The following KCNK2 variants were observed in gnomAD, a reference collection of about 807,000 sequenced individuals.
The protein encoded by KCNK2 is potassium channel subfamily K member 2.
Under a neutral mutation model 40.5 loss-of-function variants are expected in KCNK2, and 21 were observed. That is an observed-to-expected ratio of 0.52 (90% confidence interval 0.37 to 0.75). The LOEUF is 0.75. KCNK2 is among the 30% of genes least tolerant of loss of function. KCNK2 has a pLI of 0.00. For missense variants in KCNK2, 399 were observed against 531.6 expected (o/e 0.75, Z 2.45); for synonymous variants, 191 against 202.2 (o/e 0.94, Z 0.47).
intron 1 of KCNK2, among the ~76,000 whole-genome samples, chr1:215,063,574 T>C (rs367890012): frequency 1.4e-4 from 22 of 152,186 alleles, no homozygotes; most frequent in African/African-American, 4.8e-4. Context: ...AATAATACCA[T>C]TAAATTCTCT....
chr1:215,093,804 A>T (rs1262767717), intron 2 of KCNK2, among the ~76,000 whole-genome samples: 1 of 28,906 alleles, frequency 3.5e-5, no homozygotes, highest in Admixed American at 6.5e-4. Flanking sequence ...TATAATATAA[A>T]ATATATTATA....
At position 215,209,455 on chromosome 1, in the gene KCNK2, ATATATTATATATAATATATAT is replaced by A. The variant is rs1558140200; in HGVS notation, c.963+14369_963+14389del. ...TAATATAAAATATATAATATATATT[ATATATTATATATAATATATAT>A]TATATATAATACATATATATAATAT... is the stretch of plus-strand genomic sequence containing the variant. On this transcript the variant is annotated intron_variant, in intron 6 of 6. Coordinates refer to ENST00000444842, the MANE Select transcript of KCNK2 (RefSeq NM_001017425.3). 1.9e-3 allele frequency among the ~76,000 whole-genome samples: 38 copies of A among 20,540 alleles called. No individual in the cohort carries two copies. In the East Asian group the frequency reaches 0.021, roughly 11 times the overall value. The allele number at this position is 20,540 out of a possible 152,430, so 13.5% of individuals were successfully genotyped here. A position where few individuals can be genotyped will look rare whatever the true frequency, so the allele number is the denominator to read the frequency against.
At chr1:215,214,093 G>A (rs1665858235) in intron 6 of KCNK2, among the ~76,000 whole-genome samples, 1 of 152,080 alleles carries the variant, frequency 6.6e-6, no homozygotes, top group Admixed American at 6.6e-5. Flanking sequence ...CGTCGTATTA[G>A]TCCATTCTTG....
intron 1 of KCNK2, among the ~76,000 whole-genome samples, chr1:215,012,424 A>G (rs1332222278): frequency 2.0e-5 from 3 of 151,676 alleles, no homozygotes; most frequent in Non-Finnish European, 4.4e-5. Flanking sequence ...GTTATTTGCA[A>G]TCTGATTATC....
At chr1:215,008,781 C>T (rs995856937) in intron 1 of KCNK2, among the ~76,000 whole-genome samples, 1 of 152,062 alleles carries the variant, frequency 6.6e-6, no homozygotes, top group African/African-American at 2.4e-5. Flanking sequence ...TATCTATTCT[C>T]CACCTAATAG....
At chr1:215,132,079 T>TA (rs1233636399) in intron 3 of KCNK2, among the ~76,000 whole-genome samples, 1 of 152,190 alleles carries the variant, frequency 6.6e-6, no homozygotes, top group Non-Finnish European at 1.5e-5. Flanking sequence ...CAATTCCAGA[T>TA]AAAAAGGAGT....
chr1:215,208,872 G>C (rs938972169), intron 6 of KCNK2, among the ~76,000 whole-genome samples: 1 of 152,052 alleles, frequency 6.6e-6, no homozygotes, highest in South Asian at 2.1e-4. Flanking sequence ...CTGTGGACCA[G>C]GCTGGAGTGC....
At chr1:215,173,615 A>T (rs1302297057) in intron 5 of KCNK2, among the ~76,000 whole-genome samples, 5 of 152,156 alleles carry the variant, frequency 3.3e-5, no homozygotes, top group Non-Finnish European at 7.3e-5. Flanking sequence ...ATTTCTCCAT[A>T]TCCTCTCCAG....
At chr1:215,158,776 TACCCCAGGCCACATAGTTATTG>T (rs1441886923) in intron 3 of KCNK2, among the ~76,000 whole-genome samples, 1 of 152,128 alleles carries the variant, frequency 6.6e-6, no homozygotes, top group Non-Finnish European at 1.5e-5. Flanking sequence ...ACGCCTGCCC[TACCCCAGGCCACATAGTTATTG>T]ACCTGGAGAA....
chr1:215,206,612 C>T (rs1284193268), intron 6 of KCNK2, among the ~76,000 whole-genome samples: 1 of 152,212 alleles, frequency 6.6e-6, no homozygotes, highest in Non-Finnish European at 1.5e-5. Context: ...CTCAACTCCA[C>T]AGACCAATGT....
chr1:215,179,147 G>A (rs1664117584), intron 5 of KCNK2, among the ~76,000 whole-genome samples: 1 of 151,994 alleles, frequency 6.6e-6, no homozygotes, highest in African/African-American at 2.4e-5. Flanking sequence ...GCATAGAAAT[G>A]TTCATGATAG....
At chr1:215,018,120 A>C (rs1234628275) in intron 1 of KCNK2, among the ~76,000 whole-genome samples, 1 of 152,202 alleles carries the variant, frequency 6.6e-6, no homozygotes, top group Non-Finnish European at 1.5e-5. Context: ...GTAGATATTG[A>C]TATATTTCCC....
intron 1 of KCNK2, among the ~76,000 whole-genome samples, chr1:215,069,018 C>T (rs1022399891): frequency 9.2e-5 from 14 of 152,082 alleles, no homozygotes; most frequent in African/African-American, 2.9e-4. Context: ...AAAGCAATCA[C>T]GGTTGCTAAG....
At chr1:215,065,078 A>G (rs1052760051) in intron 1 of KCNK2, among the ~76,000 whole-genome samples, 1 of 152,224 alleles carries the variant, frequency 6.6e-6, no homozygotes, top group Admixed American at 6.5e-5. Context: ...AAGCTGGGAA[A>G]TTAGACGTTA....
At chr1:215,161,682 G>A (rs1445468844) in intron 3 of KCNK2, among the ~76,000 whole-genome samples, 1 of 151,878 alleles carries the variant, frequency 6.6e-6, no homozygotes, top group Non-Finnish European at 1.5e-5. Context: ...GTGGTGTTTG[G>A]TTTTCTGTTC....
chr1:215,032,912 G>T (rs1218175406), intron 1 of KCNK2, among the ~76,000 whole-genome samples: 2 of 151,976 alleles, frequency 1.3e-5, no homozygotes, highest in East Asian at 3.9e-4. Flanking sequence ...TTAATTTGAA[G>T]AAATTCTCTG....
intron 2 of KCNK2, 134 bp downstream of exon 2, chr1:215,086,812 T>C (rs559271126): frequency 1.4e-5 from 10 of 708,370 alleles, no homozygotes; most frequent in East Asian, 1.3e-4. Context: ...CCTTAACATA[T>C]AGCTCTTTTC....
intron 4 of KCNK2, 69 bp from the exon 5 acceptor site, chr1:215,171,928 C>A: frequency 1.3e-6 from 1 of 788,288 alleles, no homozygotes; most frequent in Non-Finnish European, 1.8e-6. Context: ...TTGTCTCTCT[C>A]TCTCTCTCTC....
chr1:215,222,101 A>C (rs4233310), intron 6 of KCNK2, among the ~76,000 whole-genome samples: 148,517 of 152,144 alleles, frequency 0.98, 72,594 homozygotes, highest in East Asian at 1. Flanking sequence ...TAAGAACCCA[A>C]TACCGTGTAA....
Sources: allele counts gnomAD v4.1 joint callset (sites outside exome capture counted in the v4.1 genomes callset), GRCh38; gene constraint gnomAD v4.1.1; transcripts MANE v1.5; gene names NCBI Gene and HGNC (gene_info 2026-07-23, HGNC 2026-07-21).